NEK1: variants seen among roughly 807,000 people sequenced by gnomAD.
The protein encoded by NEK1 is serine/threonine-protein kinase Nek1.
Under a neutral mutation model 182.1 loss-of-function variants are expected in NEK1, and 137 were observed. The ratio of observed to expected loss-of-function variants is 0.75; its 90% confidence interval spans 0.65 to 0.87. The LOEUF (loss-of-function observed/expected upper bound fraction) is 0.87. Among genes scored for constraint, NEK1 ranks in the 40% least tolerant of loss-of-function variants. The probability of loss-of-function intolerance (pLI) is 0.00; values close to 1 mark genes in which losing one functional copy is unlikely to be tolerated. For synonymous variants in NEK1, 513 were observed against 492.2 expected, an observed-to-expected ratio of 1.04 and a Z score of -0.56; for missense variants, 1,391 against 1,494.4, an observed-to-expected ratio of 0.93 and a Z score of 1.14.
intron 19 of NEK1, among the ~76,000 whole-genome samples, chr4:169,515,042 G>A (rs1754912284): frequency 1.3e-5 from 2 of 152,010 alleles, no homozygotes; most frequent in African/African-American, 4.8e-5. Flanking sequence ...TTTCCATTCT[G>A]TTCTATGTAC....
At chr4:169,515,147 G>C (rs573808360) in intron 19 of NEK1, among the ~76,000 whole-genome samples, 1 of 152,130 alleles carries the variant, frequency 6.6e-6, no homozygotes, top group Non-Finnish European at 1.5e-5. Flanking sequence ...TCACCTTCCT[G>C]CTACTGATTT....
At chr4:169,403,641 A>G (rs1392713545) in intron 32 of NEK1, among the ~76,000 whole-genome samples, 1 of 152,194 alleles carries the variant, frequency 6.6e-6, no homozygotes, top group African/African-American at 2.4e-5. Flanking sequence ...TACTACAATG[A>G]GTAAATATTG....
At chr4:169,599,003 A>G in intron 5 of NEK1, 97 bp downstream of exon 5, 1 of 839,778 alleles carries the variant, frequency 1.2e-6, no homozygotes, top group Non-Finnish European at 1.9e-6. Flanking sequence ...AGTAATTTTG[A>G]TTAGCATTTG....
intron 23 of NEK1, among the ~76,000 whole-genome samples, chr4:169,503,837 A>G (rs1176092125): frequency 4.6e-5 from 7 of 152,186 alleles, no homozygotes; most frequent in Non-Finnish European, 8.8e-5. Flanking sequence ...AATATCCCAT[A>G]ACCACAGGCA....
intron 32 of NEK1, among the ~76,000 whole-genome samples, chr4:169,403,075 G>T (rs957639319): frequency 6.6e-6 from 1 of 152,138 alleles, no homozygotes; most frequent in African/African-American, 2.4e-5. Flanking sequence ...TATTGTGTAA[G>T]ACTGTCAATA....
At chr4:169,584,257 A>AAT (rs1464076934) in intron 10 of NEK1, among the ~76,000 whole-genome samples, 1 of 152,186 alleles carries the variant, frequency 6.6e-6, no homozygotes, top group African/African-American at 2.4e-5. Context: ...CCTACATATA[A>AAT]ATGGTTTCTA....
chr4:169,543,094 T>G (rs1236351162), intron 18 of NEK1, among the ~76,000 whole-genome samples: 1 of 152,158 alleles, frequency 6.6e-6, no homozygotes, highest in Non-Finnish European at 1.5e-5. Flanking sequence ...TTGGCTAGGT[T>G]TTCTTCTAGG....
At chr4:169,435,365 T>C (rs1738209239) in intron 28 of NEK1, among the ~76,000 whole-genome samples, 2 of 152,184 alleles carry the variant, frequency 1.3e-5, no homozygotes, top group African/African-American at 4.8e-5. Context: ...AGGGATTAGA[T>C]TTCAACATAT....
intron 19 of NEK1, among the ~76,000 whole-genome samples, chr4:169,518,497 C>A (rs1755509820): frequency 9.0e-6 from 1 of 111,100 alleles, no homozygotes; most frequent in Non-Finnish European, 1.7e-5. Flanking sequence ...TTTTGTGTCT[C>A]TATTTCCTTC....
intron 23 of NEK1, among the ~76,000 whole-genome samples, chr4:169,499,842 G>C (rs1236927722): frequency 6.6e-6 from 1 of 152,210 alleles, no homozygotes; most frequent in African/African-American, 2.4e-5. Context: ...GGCTACTCGG[G>C]GGTCAGGGAC....
chr4:169,428,477 A>C (rs1482129793), intron 29 of NEK1, among the ~76,000 whole-genome samples: 1 of 151,676 alleles, frequency 6.6e-6, no homozygotes, highest in Non-Finnish European at 1.5e-5. Flanking sequence ...CAGAAACAAA[A>C]GGCTATATAC....
intron 27 of NEK1, among the ~76,000 whole-genome samples, chr4:169,442,804 C>G (rs1739732709): frequency 6.6e-6 from 1 of 152,124 alleles, no homozygotes; most frequent in Non-Finnish European, 1.5e-5. Flanking sequence ...AAAAGGAAGG[C>G]AGAAGGACCG....
intron 12 of NEK1, among the ~76,000 whole-genome samples, chr4:169,571,871 G>A (rs1221915080): frequency 1.3e-5 from 2 of 150,522 alleles, no homozygotes; most frequent in East Asian, 3.9e-4. Flanking sequence ...TGGGATTATA[G>A]GCACACACCA....
chr4:169,397,926 A>G (rs1730992804), intron 35 of NEK1, among the ~76,000 whole-genome samples: 1 of 152,212 alleles, frequency 6.6e-6, no homozygotes, highest in Admixed American at 6.5e-5. Flanking sequence ...CTCTATTGAA[A>G]CAATACTTAA....
At chr4:169,484,521 A>C (rs1748699526) in intron 23 of NEK1, among the ~76,000 whole-genome samples, 1 of 152,238 alleles carries the variant, frequency 6.6e-6, no homozygotes, top group Non-Finnish European at 1.5e-5. Flanking sequence ...GGGACTGTAA[A>C]TTAGAAAAGA....
At position 169,593,983 on chromosome 4, in the gene NEK1, C is replaced by T. The variant is rs186864991; in HGVS notation, c.313-3174G>A. 3.3e-3 allele frequency among the ~76,000 whole-genome samples: 481 copies of T among 145,824 alleles called. 5 individuals carry two copies. Among genetic ancestry groups the T allele is most frequent in the African/African-American group, 0.011 (453 of 39,408 alleles). ...CTGTCTGGGCGACAGAGTGAGACTC[C>T]GTCTCAAAAAAAAAAAAAAAAAATT... On this transcript the variant is annotated intron_variant, in intron 5 of 35. Coordinates refer to ENST00000507142, the MANE Select transcript of NEK1 (RefSeq NM_001199397.3).
At chr4:169,571,179 AAAATAAATAAAT>A (rs56050357) in intron 12 of NEK1, among the ~76,000 whole-genome samples, 16,342 of 143,294 alleles carry the variant, frequency 0.11, 1,084 homozygotes, top group East Asian at 0.17. Context: ...GATCAATAAA[AAAATAAATAAAT>A]AAATAAATAA....
At chr4:169,550,392 T>C (rs1296719797) in intron 18 of NEK1, among the ~76,000 whole-genome samples, 2 of 152,188 alleles carry the variant, frequency 1.3e-5, no homozygotes, top group Non-Finnish European at 2.9e-5. Context: ...AACAGACTAA[T>C]ACACTTAATA....
At chr4:169,551,203 T>C (rs1343817182) in intron 18 of NEK1, among the ~76,000 whole-genome samples, 1 of 152,198 alleles carries the variant, frequency 6.6e-6, no homozygotes, top group Non-Finnish European at 1.5e-5. Flanking sequence ...AAAACTTCTT[T>C]AGCTCCTAAG....
Sources: allele counts gnomAD v4.1 joint callset (sites outside exome capture counted in the v4.1 genomes callset), GRCh38; gene constraint gnomAD v4.1.1; transcripts MANE v1.5; gene names NCBI Gene and HGNC (gene_info 2026-07-23, HGNC 2026-07-21).